The following TLL1 variants were observed in gnomAD, a reference collection of about 807,000 sequenced individuals.
TLL1 encodes tolloid-like protein 1.
A neutral mutation model predicts 128.2 loss-of-function variants in TLL1; 49 were observed. The observed-to-expected ratio is 0.38, with a 90% confidence interval of 0.30 to 0.48. TLL1 has a LOEUF of 0.48. TLL1 is among the 20% of genes least tolerant of loss of function. The pLI, the probability that TLL1 is intolerant of heterozygous loss-of-function variation, is 0.96. For missense variants in TLL1, 1,123 were observed against 1,242.0 expected, an observed-to-expected ratio of 0.90 and a Z score of 1.44; for synonymous variants, 454 against 418.8, an observed-to-expected ratio of 1.08 and a Z score of -1.03.
At chr4:165,895,560 G>A (rs1040746031) in intron 1 of TLL1, among the ~76,000 whole-genome samples, 3 of 133,738 alleles carry the variant, frequency 2.2e-5, no homozygotes, top group Non-Finnish European at 4.6e-5. Context: ...TTGTTAAGAT[G>A]TTAGAGACAA....
At chr4:166,034,668 A>G (rs577612814) in intron 9 of TLL1, among the ~76,000 whole-genome samples, 4 of 152,234 alleles carry the variant, frequency 2.6e-5, no homozygotes, top group African/African-American at 9.6e-5. Flanking sequence ...GTGGAGGAGT[A>G]TTTTTAGGGA....
At chr4:165,979,241 G>T (rs1436987198) in intron 1 of TLL1, among the ~76,000 whole-genome samples, 2 of 152,006 alleles carry the variant, frequency 1.3e-5, no homozygotes, top group African/African-American at 4.8e-5. Flanking sequence ...CTAGAGCATT[G>T]TTTGTATTAG....
At chr4:166,056,497 A>G (rs7687109) in intron 13 of TLL1, among the ~76,000 whole-genome samples, 2 of 151,952 alleles carry the variant, frequency 1.3e-5, no homozygotes, top group East Asian at 1.9e-4. Context: ...AAATGTCTAT[A>G]TAAGAAACAC....
chr4:166,074,483 A>T lies in TLL1; in HGVS notation c.2189-395A>T, dbSNP rs139136919. On this transcript the variant is annotated intron_variant, in intron 16 of 20. Coordinates refer to ENST00000061240, the MANE Select transcript of TLL1 (RefSeq NM_012464.5). Reference sequence around the variant, plus strand: ...TATTGAAGGATATCCCTCTACTTAAATGCTATTTCTTGCCGCTATTCAAAC... The same window carrying T: ...TATTGAAGGATATCCCTCTACTTAATTGCTATTTCTTGCCGCTATTCAAAC... 2.8e-4 allele frequency among the ~76,000 whole-genome samples: 43 copies of T among 151,946 alleles called. No individual in the cohort carries two copies. The East Asian group carries it at 5.7e-3, about 20-fold the overall frequency.
chr4:166,093,252 A>G (rs1279563118), intron 19 of TLL1, among the ~76,000 whole-genome samples: 2 of 152,098 alleles, frequency 1.3e-5, no homozygotes, highest in African/African-American at 2.4e-5. Flanking sequence ...ATTGATTATT[A>G]TTTTCACTAT....
chr4:165,968,306 A>G (rs28626093), intron 1 of TLL1, among the ~76,000 whole-genome samples: 7,053 of 152,244 alleles, frequency 0.046, 528 homozygotes, highest in African/African-American at 0.16. Context: ...AGTAGCCATC[A>G]TATGATATAC....
chr4:165,954,215 G>A lies in TLL1; in HGVS notation c.170-35166G>A, dbSNP rs1476231032. Among the ~76,000 whole-genome samples, 5 of 152,112 alleles carry A rather than the reference G, an allele frequency of 3.3e-5. No homozygotes were observed. In the East Asian group the frequency reaches 9.7e-4, roughly 29 times the overall value. Reference sequence around the variant, plus strand: ...GAAGAGAAACAAAAGGATATGGGGAGAGGAGGAGGATTTTAAGAATGTTTT... The same window carrying A: ...GAAGAGAAACAAAAGGATATGGGGAAAGGAGGAGGATTTTAAGAATGTTTT... On this transcript the variant is annotated intron_variant, in intron 1 of 20. Coordinates refer to ENST00000061240, the MANE Select transcript of TLL1 (RefSeq NM_012464.5).
intron 1 of TLL1, among the ~76,000 whole-genome samples, chr4:165,941,389 A>G (rs1195480633): frequency 1.3e-5 from 2 of 152,122 alleles, no homozygotes; most frequent in Non-Finnish European, 2.9e-5. Flanking sequence ...AGTTAAGTGG[A>G]AGAGAAGAAA....
chr4:166,014,498 G>C lies in TLL1; in HGVS notation c.980G>C (p.Gly327Ala). ...RDDNGIRPAIGQRTRLSKGDI... is the reference protein window; with the variant it reads ...RDDNGIRPAIAQRTRLSKGDI... ...GATAATGGCATACGTCCTGCAATTG[G>C]TCAGCGAACCCGTCTAAGCAAAGGA... Residue 327 changes from glycine (G) to alanine (A), a missense_variant, in exon 8 of 21, where the codon GGT (glycine) becomes GCT (alanine). Physicochemically the swap from Gly to Ala is moderately conservative, Grantham distance 60 (BLOSUM62 0). This residue lies in a region of TLL1 where 480 missense variants were observed against 542.4 expected (regional missense o/e 0.89). Coordinates refer to ENST00000061240, the MANE Select transcript of TLL1 (RefSeq NM_012464.5). 5.0e-6 allele frequency: 8 copies of C among 1,612,434 alleles called. No individual in the cohort carries two copies. Among genetic ancestry groups the C allele is most frequent in the Non-Finnish European group, 6.8e-6 (8 of 1,178,892 alleles).
In TLL1 at chr4:166,003,971, C is replaced by T. The variant is rs188961442; in HGVS notation, c.811+402C>T. The stretch of plus-strand genomic sequence containing the variant: ...CTGGGGTTTGCCATAACACGTGCTG[C>T]TACCATAGGAATCTGTGTTATACCA... On this transcript the variant is annotated intron_variant, in intron 6 of 20. Transcript: ENST00000061240. 4.4e-4 allele frequency among the ~76,000 whole-genome samples: 67 copies of T among 152,070 alleles called. No homozygotes were observed. In the East Asian group the frequency reaches 7.4e-3, roughly 17 times the overall value.
At chr4:165,992,430 T>G (rs533206545) in intron 2 of TLL1, among the ~76,000 whole-genome samples, 10 of 152,060 alleles carry the variant, frequency 6.6e-5, no homozygotes, top group Non-Finnish European at 1.3e-4. Flanking sequence ...ATATTCAGTT[T>G]GCACTGGGGA....
intron 1 of TLL1, among the ~76,000 whole-genome samples, chr4:165,897,673 T>TTC (rs1474996907): frequency 1.2e-4 from 18 of 146,368 alleles, no homozygotes; most frequent in African/African-American, 4.3e-4. Flanking sequence ...TTTTTTTTTT[T>TTC]TTTTTTTTTT....
In TLL1 at chr4:166,060,010, T is replaced by C. The variant is rs779823586; in HGVS notation, c.1847-18T>C. ...ACTTCATGGGGAGAATATACCTTTT[T>C]CTTTTCTTTTCTTCTAGCTGCTTGT... On this transcript the variant is annotated intron_variant, in intron 14 of 20. Transcript: ENST00000061240. The C allele has an allele frequency of 3.1e-6, 5 of 1,612,746 alleles. No individual in the cohort carries two copies. Among genetic ancestry groups the C allele is most frequent in the Non-Finnish European group, 3.4e-6 (4 of 1,179,392 alleles).
intron 1 of TLL1, among the ~76,000 whole-genome samples, chr4:165,914,844 T>C (rs953198702): frequency 1.4e-4 from 21 of 152,324 alleles, no homozygotes; most frequent in African/African-American, 4.1e-4. Flanking sequence ...CTCTGCTGTA[T>C]CTGGCTAGTT....
rs77857213 is a variant in TLL1, at chr4:166,004,128, A to T, written c.811+559A>T. 1.8e-3 allele frequency among the ~76,000 whole-genome samples: 274 copies of T among 152,204 alleles called. 3 individuals carry two copies. In the East Asian group the frequency reaches 0.049, roughly 27 times the overall value. On this transcript the variant is annotated intron_variant, in intron 6 of 20. Transcript: ENST00000061240. ...CTTAGGAAAATTTTCAGTAATTGAAATATAATTTCTACTTAAAACCTATTT... is the reference window on the plus strand; with the variant it reads ...CTTAGGAAAATTTTCAGTAATTGAATTATAATTTCTACTTAAAACCTATTT...
chr4:165,985,450 G>C (rs1736353599), intron 1 of TLL1, among the ~76,000 whole-genome samples: 1 of 152,042 alleles, frequency 6.6e-6, no homozygotes, highest in South Asian at 2.1e-4. Context: ...GGCAAAAGTA[G>C]TGGTTCTTTA....
intron 9 of TLL1, chr4:166,030,462 T>A (rs928461214): frequency 2.6e-5 from 16 of 604,998 alleles, no homozygotes; most frequent in Middle Eastern, 2.5e-4. Flanking sequence ...GGTTGTATTT[T>A]CACTCTGTTG....
intron 1 of TLL1, among the ~76,000 whole-genome samples, chr4:165,974,322 C>A (rs976073794): frequency 7.3e-6 from 1 of 136,398 alleles, no homozygotes; most frequent in Non-Finnish European, 1.5e-5. Flanking sequence ...TTGTATTTTT[C>A]ATAGAGACGG....
At chr4:166,020,328 CAT>C (rs1269032732) in intron 8 of TLL1, among the ~76,000 whole-genome samples, 3 of 137,890 alleles carry the variant, frequency 2.2e-5, no homozygotes, top group Admixed American at 1.4e-4. Context: ...TTTTCTATTC[CAT>C]GTACTGTGAC....
Sources: allele counts gnomAD v4.1 joint callset (sites outside exome capture counted in the v4.1 genomes callset), GRCh38; gene constraint gnomAD v4.1.1; regional missense constraint gnomAD v4.1.1; transcripts MANE v1.5; gene names NCBI Gene and HGNC (gene_info 2026-07-23, HGNC 2026-07-21).